The following PHF23 variants were observed in gnomAD, a reference collection of about 807,000 sequenced individuals.
PHF23 encodes the protein PHD finger protein 23.
Under a neutral mutation model 36.0 loss-of-function variants are expected in PHF23, and 3 were observed. The ratio of observed to expected loss-of-function variants is 0.08; its 90% CI spans 0.04 to 0.22. The LOEUF is 0.22. PHF23 is among the 10% of genes least tolerant of loss of function. The probability of loss-of-function intolerance (pLI) is 1.00; values close to 1 mark genes in which losing one functional copy is unlikely to be tolerated. For synonymous variants in PHF23, 242 were observed against 192.5 expected (o/e 1.26, Z -2.13); for missense variants, 475 against 513.6 (o/e 0.92, Z 0.73).
In PHF23 at chr17:7,235,236, A is replaced by ACGCC; in HGVS notation, c.*389_*390insGGCG. On this transcript the variant is annotated 3_prime_UTR_variant, in exon 5 of 5. Coordinates refer to ENST00000320316, the MANE Select transcript of PHF23 (RefSeq NM_024297.3). ...AAATTAAAAATACAACCGGTGTAGA[A>ACGCC]GAAAATAAATGGGGAGTGAAATAGA... is the stretch of plus-strand genomic sequence containing the variant. The ACGCC allele has an allele frequency of 3.9e-6, 1 of 255,986 alleles. No homozygotes were observed. The highest frequency in any genetic ancestry group is 4.7e-5 in the South Asian group (1 of 21,062). 15.9% of individuals were successfully genotyped at this position (255,986 alleles called of 1,614,324 possible). A position where few individuals can be genotyped will look rare whatever the true frequency, so the allele number is the denominator to read the frequency against.
At chr17:7,237,352 C>A (rs767545411) in intron 3 of PHF23, 33 bp downstream of exon 3, 1 of 1,555,062 alleles carries the variant, frequency 6.4e-7, no homozygotes, top group Non-Finnish European at 8.9e-7. Flanking sequence ...TCCCACCACA[C>A]CAGCCTCAAG....
rs967045053 is a variant in PHF23, at chr17:7,236,952, C to T, written c.160-185G>A. 6.6e-6 allele frequency among the ~76,000 whole-genome samples: 1 copy of T among 152,176 alleles called. No homozygotes were observed. The highest frequency in any genetic ancestry group is 2.4e-5 in the African/African-American group (1 of 41,436). Reference sequence around the variant, plus strand: ...CATCAGCATGTCCTCTTGACCAGTCCGTGTTACCTCTACCCTCAAGTCTGA... The same window carrying T: ...CATCAGCATGTCCTCTTGACCAGTCTGTGTTACCTCTACCCTCAAGTCTGA... On this transcript the variant is annotated intron_variant, in intron 3 of 4. Transcript: ENST00000320316. The surrounding 1 kb of genome is among the most constrained non-coding windows in gnomAD (Gnocchi z 5.1).
In PHF23 at chr17:7,236,846, G is replaced by C; in HGVS notation, c.160-79C>G. The C allele has an allele frequency of 6.6e-7, 1 of 1,512,118 alleles. No individual in the cohort carries two copies. The highest frequency in any genetic ancestry group is 8.8e-7 in the Non-Finnish European group (1 of 1,139,748). The allele number at this position is 1,512,118 out of a possible 1,614,324, so 93.7% of individuals were successfully genotyped here. Reference sequence around the variant, plus strand: ...CTCCACAAACCCAGCTTGAAAAGGAGTGACTGGATTTACCCCAAAATGTCC... The same window carrying C: ...CTCCACAAACCCAGCTTGAAAAGGACTGACTGGATTTACCCCAAAATGTCC... On this transcript the variant is annotated intron_variant, in intron 3 of 4. Transcript: ENST00000320316. This position sits in a 1 kb window ranked among gnomAD's most constrained non-coding sequence, Gnocchi z 5.1.
chr17:7,237,749 CCTGCTCTCCCAGGTCCCT>C, intron 1 of PHF23, 89 bp from the exon 2 acceptor site: 1 of 1,469,126 alleles, frequency 6.8e-7, no homozygotes, highest in Non-Finnish European at 9.5e-7. Flanking sequence ...AAGTGAACCC[CCTGCTCTCCCAGGTCCCT>C]CTGCCAGGCC....
rs184505702 is a variant in PHF23, at chr17:7,235,855, G to C, written c.998-15C>G. 2 of 1,613,890 alleles carry C rather than the reference G, an allele frequency of 1.2e-6. No homozygotes were observed. Among genetic ancestry groups the C allele is most frequent in the Non-Finnish European group, 1.7e-6 (2 of 1,179,950 alleles). On this transcript the variant is annotated splice_polypyrimidine_tract_variant and intron_variant, in intron 4 of 4. Coordinates refer to ENST00000320316, the MANE Select transcript of PHF23 (RefSeq NM_024297.3). ...TGAGTCATCACCTGGGGAAAAAAAG[G>C]TTTGTTTGGTATTCTGCCTGAGCTG...
At chr17:7,238,757 C>T (rs1167490666) in intron 1 of PHF23, 16 of 1,531,812 alleles carry the variant, frequency 1.0e-5, no homozygotes, top group Non-Finnish European at 1.3e-5. Context: ...TACCCAGACC[C>T]CCTCTTCTCC....
chr17:7,239,027 G>T, intron 1 of PHF23: 1 of 1,397,084 alleles, frequency 7.2e-7, no homozygotes, highest in African/African-American at 1.5e-5. Flanking sequence ...CCTATCCCCC[G>T]CACCCCCACA....
Position 7,236,036 on chromosome 17 carries a change from G to A in PHF23, c.891C>T (p.Asp297=). ...TVHPEGVPPA[D]SESKEVGSTE... ...TGCTGCCCACCTCCTTGCTTTCACTGTCAGCAGGAGGGACTCCTTCAGGGT... is the reference window on the plus strand; with the variant it reads ...TGCTGCCCACCTCCTTGCTTTCACTATCAGCAGGAGGGACTCCTTCAGGGT... The change falls in exon 4 of 5, where the codon GAC becomes GAT. Residue 297 remains aspartate (D), a synonymous_variant. Coordinates refer to ENST00000320316, the MANE Select transcript of PHF23 (RefSeq NM_024297.3). This position sits in a 1 kb window ranked among gnomAD's most constrained non-coding sequence, Gnocchi z 5.1. 1 of 1,614,010 alleles carries A rather than the reference G, an allele frequency of 6.2e-7. No homozygotes were observed. The highest frequency in any genetic ancestry group is 8.5e-7 in the Non-Finnish European group (1 of 1,179,942).
At chr17:7,240,712 G>A (rs894438607), upstream of PHF23, 1 of 652,488 alleles carries the variant, frequency 1.5e-6, no homozygotes, top group Middle Eastern at 2.8e-4. Context: ...AGAGAGGCTG[G>A]AGAGAAAGCC....
rs893548698 is a variant in PHF23, at chr17:7,235,556, G to C, written c.*70C>G. ...ACAGTATCCAAGCTCCAGGGGATAG[G>C]CTGAGGACCCTGAGGCTCAGTTCCC... On this transcript the variant is annotated 3_prime_UTR_variant, in exon 5 of 5. Coordinates refer to ENST00000320316, the MANE Select transcript of PHF23 (RefSeq NM_024297.3). 8 of 1,502,092 alleles carry C rather than the reference G, an allele frequency of 5.3e-6. No individual in the cohort carries two copies. The highest frequency in any genetic ancestry group is 7.3e-6 in the Non-Finnish European group (8 of 1,091,796). 93.0% of individuals were successfully genotyped at this position (1,502,092 alleles called of 1,614,324 possible).
chr17:7,238,799 A>C (rs1353915832), intron 1 of PHF23: 1 of 1,528,910 alleles, frequency 6.5e-7, no homozygotes. Context: ...TCCGACAATC[A>C]CCGGGCATTC....
In PHF23 at chr17:7,235,918, C is replaced by G; in HGVS notation, c.997+12G>C. 1 of 1,611,372 alleles carries G rather than the reference C, an allele frequency of 6.2e-7. No individual in the cohort carries two copies. Among genetic ancestry groups the G allele is most frequent in the East Asian group, 2.2e-5 (1 of 44,834 alleles). ...CACCCTCAAACCCCTCGCCCCAGCCCGAACCTCTCACCTGATTCTACCATG... is the reference window on the plus strand; with the variant it reads ...CACCCTCAAACCCCTCGCCCCAGCCGGAACCTCTCACCTGATTCTACCATG... On this transcript the variant is annotated intron_variant, in intron 4 of 4. Coordinates refer to ENST00000320316, the MANE Select transcript of PHF23 (RefSeq NM_024297.3).
rs1242151136 is a variant in PHF23, at chr17:7,238,893, C to A, written c.34+353G>T. ...AACTACCGGGCCCCTCACTCAGCCT[C>A]TTCTACGTCCTCCCTCCTGAGCAAC... On this transcript the variant is annotated intron_variant, in intron 1 of 4. Coordinates refer to ENST00000320316, the MANE Select transcript of PHF23 (RefSeq NM_024297.3). The A allele has an allele frequency of 5.9e-6, 9 of 1,533,416 alleles. No homozygotes were observed. The African/African-American group carries it at 1.2e-4, about 21-fold the overall frequency. The allele number at this position is 1,533,416 out of a possible 1,614,324, so 95.0% of individuals were successfully genotyped here. A position where few individuals can be genotyped will look rare whatever the true frequency, so the allele number is the denominator to read the frequency against.
At chr17:7,239,207 C>A in intron 1 of PHF23, 39 bp downstream of exon 1, 1 of 1,428,312 alleles carries the variant, frequency 7.0e-7, no homozygotes, top group Non-Finnish European at 9.6e-7. Context: ...CTCGCCCGCC[C>A]CCCGCCGGCT....
chr17:7,238,528 A>C lies in PHF23; in HGVS notation c.34+718T>G, dbSNP rs1597567114. On this transcript the variant is annotated intron_variant, in intron 1 of 4. Coordinates refer to ENST00000320316, the MANE Select transcript of PHF23 (RefSeq NM_024297.3). ...AACCAGCCACTCTCTCTCTCTCTCC[A>C]CAGCAGCCACCGCTGCTGCCGCCGA... The C allele has an allele frequency of 3.2e-5, 29 of 919,160 alleles. No individual in the cohort carries two copies. The South Asian group carries it at 4.1e-4, about 13-fold the overall frequency. 56.9% of individuals were successfully genotyped at this position (919,160 alleles called of 1,614,324 possible). A position where few individuals can be genotyped will look rare whatever the true frequency, so the allele number is the denominator to read the frequency against.
In PHF23 at chr17:7,237,470, T is replaced by C. The variant is rs1375281212; in HGVS notation, c.74A>G (p.Glu25Gly). The C allele has an allele frequency of 3.1e-6, 5 of 1,613,904 alleles. No individual in the cohort carries two copies. The highest frequency in any genetic ancestry group is 3.4e-6 in the Non-Finnish European group (4 of 1,179,952). ...ATCCTCAATTGTTCTCCGCCGTTTC[T>C]CTGGTGGCTGAAAGGAAGGAGATAT... is the stretch of plus-strand genomic sequence containing the variant. ...PTLKPETQPPEKRRRTIEDFN... is the reference protein window; with the variant it reads ...PTLKPETQPPGKRRRTIEDFN... Residue 25 changes from glutamate to glycine, a missense_variant, in exon 3 of 5, where the codon GAG becomes GGG. This residue lies in a region of PHF23 where 54 missense variants were observed against 42.0 expected (regional missense o/e 1.28). Coordinates refer to ENST00000320316, the MANE Select transcript of PHF23 (RefSeq NM_024297.3).
chr17:7,239,627 C>T (rs1422152485), upstream of PHF23: 3 of 175,822 alleles, frequency 1.7e-5, no homozygotes, highest in Non-Finnish European at 3.7e-5. Flanking sequence ...GAAAAGGGAC[C>T]GCATGAACCT....
At chr17:7,239,530 CTCCCTCCCTCCTCT>C (rs1347397149), upstream of PHF23, 7 of 418,680 alleles carry the variant, frequency 1.7e-5, no homozygotes, top group Non-Finnish European at 2.6e-5. Flanking sequence ...CTCCTCTCTC[CTCCCTCCCTCCTCT>C]TCTCTCCCTC....
chr17:7,238,899 C>T, intron 1 of PHF23: 2 of 1,532,526 alleles, frequency 1.3e-6, no homozygotes, highest in Admixed American at 2.0e-5. Flanking sequence ...GCCTCTTCTA[C>T]GTCCTCCCTC....
Sources: gnomAD v4.1 joint callset for allele counts (sites outside exome capture counted in the v4.1 genomes callset) on GRCh38, gnomAD v4.1.1 for gene constraint, gnomAD v4.1.1 regional missense constraint, Gnocchi (gnomAD v3.1) non-coding constraint, MANE v1.5 for transcripts, NCBI Gene and HGNC (gene_info 2026-07-23, HGNC 2026-07-21) for gene names.